Variants in GSTT2B observed in about 807,000 individuals in gnomAD.
GSTT2B encodes glutathione S-transferase theta 2B.
Under a neutral mutation model 16.6 loss-of-function variants are expected in GSTT2B, and 4 were observed. The observed-to-expected ratio is 0.24, with a 90% CI of 0.12 to 0.55. The LOEUF is 0.55. Ranked by LOEUF, GSTT2B falls within the 20% of genes least tolerant of loss-of-function variation. The pLI is 0.94. For synonymous variants in GSTT2B, 9 were observed against 110.9 expected, an observed-to-expected ratio of 0.08 and a Z score of 5.77; for missense variants, 27 against 266.1, an observed-to-expected ratio of 0.10 and a Z score of 6.25.
In GSTT2B at chr22:23,959,894, A is replaced by T. The variant is rs558815945; in HGVS notation, c.200+400T>A. ...GCCCGGCCTTTTTGAGACGGAGTCTAGCTCTGTCGCCCAGGCTGGAGTGCA... is the reference window on the plus strand; with the variant it reads ...GCCCGGCCTTTTTGAGACGGAGTCTTGCTCTGTCGCCCAGGCTGGAGTGCA... On this transcript the variant is annotated intron_variant, in intron 2 of 4. Coordinates refer to ENST00000290765, the MANE Select transcript of GSTT2B (RefSeq NM_001080843.4). 2.1e-4 allele frequency among the ~76,000 whole-genome samples: 13 copies of T among 60,604 alleles called. No individual in the cohort carries two copies. In the East Asian group the frequency reaches 4.8e-3, roughly 22 times the overall value. 39.8% of individuals were successfully genotyped at this position (60,604 alleles called of 152,430 possible).
At chr22:23,960,176 C>T in intron 2 of GSTT2B, 118 bp downstream of exon 2, 2 of 1,259,712 alleles carry the variant, frequency 1.6e-6, no homozygotes, top group Admixed American at 1.9e-5. Flanking sequence ...GATCCCTCGC[C>T]TTTCCCCTCC....
chr22:23,960,386 AG>A lies in GSTT2B; in HGVS notation c.113-6del. 6.2e-7 allele frequency: 1 copy of A among 1,609,720 alleles called. No individual in the cohort carries two copies. The highest frequency in any genetic ancestry group is 8.5e-7 in the Non-Finnish European group (1 of 1,177,834). ...ACTCCTTGCTCTTGTGCTGCCCTGA[AG>A]AGGAAGAAGTCAGAAAAGGTCTTCA... On this transcript the variant is annotated splice_polypyrimidine_tract_variant and splice_region_variant and intron_variant, in intron 1 of 4. Coordinates refer to ENST00000290765, the MANE Select transcript of GSTT2B (RefSeq NM_001080843.4).
intron 2 of GSTT2B, 134 bp downstream of exon 2, chr22:23,960,160 C>T (rs1265223517): frequency 1.5e-5 from 15 of 1,011,374 alleles, no homozygotes; most frequent in Non-Finnish European, 2.2e-5. Flanking sequence ...CCACCGCGCC[C>T]GGCCAGATCC....
chr22:23,960,405 G>T (rs1372737517), intron 1 of GSTT2B, 24 bp from the exon 2 acceptor site: 7 of 1,601,268 alleles, frequency 4.4e-6, no homozygotes, highest in Non-Finnish European at 4.3e-6. Context: ...AGTCAGAAAA[G>T]GTCTTCAGAA....
At chr22:23,960,712 A>T (rs2033831320) in intron 1 of GSTT2B, among the ~76,000 whole-genome samples, 1 of 110,082 alleles carries the variant, frequency 9.1e-6, no homozygotes, top group Non-Finnish European at 2.1e-5. Flanking sequence ...CTTCTTCCCA[A>T]GGTCTTCTGG....
intron 2 of GSTT2B, among the ~76,000 whole-genome samples, chr22:23,960,041 A>G (rs1469115224): frequency 6.8e-6 from 1 of 147,420 alleles, no homozygotes; most frequent in Non-Finnish European, 1.5e-5. Flanking sequence ...TTTTTTTTCC[A>G]TTTTTAGTAG....
At position 23,957,734 on chromosome 22, in the gene GSTT2B, TG is replaced by T; in HGVS notation, c.723del (p.Arg242GlyfsTer82). On this transcript the variant is annotated frameshift_variant, in exon 5 of 5. Coordinates refer to ENST00000290765, the MANE Select transcript of GSTT2B (RefSeq NM_001080843.4). LOFTEE classifies it high-confidence loss of function. ...EAYQAMLLRI[A>X]RIP ...CCATCCCAGACCCTTCAGGGGATCC[TG>T]GCGATTCGAAGCAGCATAGCCTGAT... 7.7e-7 allele frequency: 1 copy of T among 1,291,292 alleles called. No individual in the cohort carries two copies. The highest frequency in any genetic ancestry group is 1.1e-6 in the Non-Finnish European group (1 of 905,766). The allele number at this position is 1,291,292 out of a possible 1,614,324, so 80.0% of individuals were successfully genotyped here.
At chr22:23,960,203 G>A in intron 2 of GSTT2B, 91 bp downstream of exon 2, 1 of 1,477,208 alleles carries the variant, frequency 6.8e-7, no homozygotes. Flanking sequence ...GCCCCATGGG[G>A]TATGGGAGGG....
At chr22:23,959,639 G>A (rs1164592366) in intron 2 of GSTT2B, among the ~76,000 whole-genome samples, 3 of 102,392 alleles carry the variant, frequency 2.9e-5, no homozygotes, top group African/African-American at 9.0e-5. Flanking sequence ...GTGCAGTGGT[G>A]CTATCTCTGC....
chr22:23,960,620 C>T (rs1197309763), intron 1 of GSTT2B, among the ~76,000 whole-genome samples: 3 of 101,912 alleles, frequency 2.9e-5, no homozygotes, highest in Admixed American at 2.3e-4. Context: ...GTTTTCTAGC[C>T]GGACTCTGGT....
chr22:23,960,189 C>T lies in GSTT2B; in HGVS notation c.200+105G>A, dbSNP rs2033823571. Reference sequence around the variant, plus strand: ...CAGATCCCTCGCCTTTCCCCTCCCTCGCTGCCCCATGGGGTATGGGAGGGC... The same window carrying T: ...CAGATCCCTCGCCTTTCCCCTCCCTTGCTGCCCCATGGGGTATGGGAGGGC... On this transcript the variant is annotated intron_variant, in intron 2 of 4. Coordinates refer to ENST00000290765, the MANE Select transcript of GSTT2B (RefSeq NM_001080843.4). 1.0e-5 allele frequency: 14 copies of T among 1,375,920 alleles called. No homozygotes were observed. The East Asian group carries it at 1.4e-4, about 14-fold the overall frequency. 85.2% of individuals were successfully genotyped at this position (1,375,920 alleles called of 1,614,324 possible). A position where few individuals can be genotyped will look rare whatever the true frequency, so the allele number is the denominator to read the frequency against.
chr22:23,959,702 C>A (rs1486171848), intron 2 of GSTT2B, among the ~76,000 whole-genome samples: 46 of 94,630 alleles, frequency 4.9e-4, no homozygotes, highest in Middle Eastern at 6.8e-3. Context: ...CTCAGCCTCC[C>A]CAGTAGCTGG....
chr22:23,960,013 G>A (rs143593560), intron 2 of GSTT2B, among the ~76,000 whole-genome samples: 5,625 of 140,786 alleles, frequency 0.04, 418 homozygotes, highest in African/African-American at 0.14. Flanking sequence ...ACAGACGCCC[G>A]CCACCACGCC....
At chr22:23,960,157 G>A (rs1221085033) in intron 2 of GSTT2B, 137 bp downstream of exon 2, 14 of 935,568 alleles carry the variant, frequency 1.5e-5, no homozygotes, top group Admixed American at 7.0e-5. Flanking sequence ...GAGCCACCGC[G>A]CCCGGCCAGA....
intron 2 of GSTT2B, among the ~76,000 whole-genome samples, chr22:23,959,746 G>GT (rs1188758240): frequency 3.6e-5 from 3 of 84,266 alleles, no homozygotes; most frequent in Non-Finnish European, 5.5e-5. Flanking sequence ...CCCTGCTAAT[G>GT]TTTTGTATTT....
intron 2 of GSTT2B, among the ~76,000 whole-genome samples, chr22:23,959,470 T>TG (rs2033811487): frequency 9.8e-6 from 1 of 102,170 alleles, no homozygotes; most frequent in African/African-American, 3.0e-5. Context: ...AGATGAGAGG[T>TG]GGGGGGACAT....
chr22:23,959,926 C>T (rs1275557497), intron 2 of GSTT2B, among the ~76,000 whole-genome samples: 2 of 97,222 alleles, frequency 2.1e-5, no homozygotes, highest in African/African-American at 3.2e-5. Context: ...TGCAGTGGCG[C>T]GATCTCAGCA....
intron 2 of GSTT2B, 95 bp downstream of exon 2, chr22:23,960,199 T>A (rs1220361901): frequency 7.2e-7 from 1 of 1,392,160 alleles, no homozygotes; most frequent in East Asian, 2.3e-5. Context: ...CGCTGCCCCA[T>A]GGGGTATGGG....
intron 2 of GSTT2B, 104 bp downstream of exon 2, chr22:23,960,190 G>A (rs1304080381): frequency 2.6e-5 from 36 of 1,377,088 alleles, no homozygotes; most frequent in Non-Finnish European, 3.4e-5. Flanking sequence ...CCCCTCCCTC[G>A]CTGCCCCATG....
Sources: allele counts gnomAD v4.1 joint callset (sites outside exome capture counted in the v4.1 genomes callset), GRCh38; gene constraint gnomAD v4.1.1; transcripts MANE v1.5; gene names NCBI Gene and HGNC (gene_info 2026-07-23, HGNC 2026-07-21).